The following PIEZO2 variants were observed in gnomAD, a reference collection of about 807,000 sequenced individuals.
PIEZO2 encodes piezo type mechanosensitive ion channel component 2.
In PIEZO2, 172 loss-of-function variants were observed where a neutral mutation model predicts 337.3. The observed-to-expected ratio is 0.51, with a 90% CI of 0.45 to 0.58. The LOEUF (loss-of-function observed/expected upper bound fraction) is 0.58. PIEZO2 is among the 20% of genes least tolerant of loss of function. The pLI is 0.00. For synonymous variants in PIEZO2, 1,251 were observed against 1,228.5 expected, an observed-to-expected ratio of 1.02 and a Z score of -0.38; for missense variants, 3,028 against 3,391.3, an observed-to-expected ratio of 0.89 and a Z score of 2.66.
rs2034593189 is a variant in PIEZO2, at chr18:10,979,729, C to T, written c.161-69G>A. On this transcript the variant is annotated intron_variant, in intron 2 of 55. Coordinates refer to ENST00000674853, the MANE Select transcript of PIEZO2 (RefSeq NM_001378183.1). This position sits in a 1 kb window ranked among gnomAD's most constrained non-coding sequence, Gnocchi z 4.0. ...AAACACACTGGTGCTGTCTCTTGTACATATTTCTGTATAACCTATTAGATA... is the reference window on the plus strand; with the variant it reads ...AAACACACTGGTGCTGTCTCTTGTATATATTTCTGTATAACCTATTAGATA... 1 of 1,387,302 alleles carries T rather than the reference C, an allele frequency of 7.2e-7. No individual in the cohort carries two copies. The highest frequency in any genetic ancestry group is 9.5e-7 in the Non-Finnish European group (1 of 1,052,104). 85.9% of individuals were successfully genotyped at this position (1,387,302 alleles called of 1,614,324 possible). A position where few individuals can be genotyped will look rare whatever the true frequency, so the allele number is the denominator to read the frequency against.
chr18:10,685,180 A>G (rs2034496459), intron 49 of PIEZO2, among the ~76,000 whole-genome samples: 1 of 152,210 alleles, frequency 6.6e-6, no homozygotes, highest in Non-Finnish European at 1.5e-5. Flanking sequence ...GTCACATTCA[A>G]TGTGGAATCA....
chr18:11,039,096 C>G (rs753039613), intron 2 of PIEZO2, among the ~76,000 whole-genome samples: 1 of 152,128 alleles, frequency 6.6e-6, no homozygotes, highest in Non-Finnish European at 1.5e-5. Flanking sequence ...CAAAAGGGAA[C>G]AGAAAGGAAG....
rs1451471330 is a variant in PIEZO2 at position 10,670,820 on chromosome 18, C to T, written c.*707G>A. 1 of 152,184 alleles carries T rather than the reference C, an allele frequency of 6.6e-6. No homozygotes were observed. Among genetic ancestry groups the T allele is most frequent in the African/African-American group, 2.4e-5 (1 of 41,296 alleles). The allele number at this position is 152,184 out of a possible 1,614,324, so 9.4% of individuals were successfully genotyped here. ...GAAGCTGGTCACTGGTGGACCATAA[C>T]AAAGCAGGTGTACACATCATTTGTT... On this transcript the variant is annotated 3_prime_UTR_variant, in exon 56 of 56. Transcript: ENST00000674853.
At chr18:10,814,006 G>C (rs550227919) in intron 7 of PIEZO2, among the ~76,000 whole-genome samples, 73 of 150,140 alleles carry the variant, frequency 4.9e-4, no homozygotes, top group East Asian at 4.7e-3. Flanking sequence ...TTTGCTCTGT[G>C]GCCCAGGCTG....
Position 10,846,632 on chromosome 18 carries a change from G to A in PIEZO2, c.917+8721C>T, listed in dbSNP as rs553691536. 3.9e-5 allele frequency among the ~76,000 whole-genome samples: 6 copies of A among 152,144 alleles called. No individual in the cohort carries two copies. Among genetic ancestry groups the A allele is most frequent in the Non-Finnish European group, 7.3e-5 (5 of 68,036 alleles). Reference sequence around the variant, plus strand: ...GTCCTAGTGAGTCAGACATATGCATGAAGGGATTATTATGGCCCAATGCAG... The same window carrying A: ...GTCCTAGTGAGTCAGACATATGCATAAAGGGATTATTATGGCCCAATGCAG... On this transcript the variant is annotated intron_variant, in intron 7 of 55. Transcript: ENST00000674853. This position sits in a 1 kb window ranked among gnomAD's most constrained non-coding sequence, Gnocchi z 4.1.
Position 10,854,429 on chromosome 18 carries a change from G to T in PIEZO2, c.917+924C>A, listed in dbSNP as rs1374930233. On this transcript the variant is annotated intron_variant, in intron 7 of 55. Coordinates refer to ENST00000674853, the MANE Select transcript of PIEZO2 (RefSeq NM_001378183.1). This position sits in a 1 kb window ranked among gnomAD's most constrained non-coding sequence, Gnocchi z 4.6. ...CCTTTATAGTAATTATTTCAGGTGT[G>T]GACATAATAGAACATATCATTAAGG... 2.0e-5 allele frequency among the ~76,000 whole-genome samples: 3 copies of T among 151,886 alleles called. No homozygotes were observed.
chr18:10,958,799 A>G (rs1176338202), intron 3 of PIEZO2, among the ~76,000 whole-genome samples: 1 of 152,224 alleles, frequency 6.6e-6, no homozygotes, highest in Non-Finnish European at 1.5e-5. Flanking sequence ...TGTTAAAACT[A>G]TAAAAATACA....
In PIEZO2 at chr18:10,979,570, A is replaced by G. The variant is rs1308170093; in HGVS notation, c.251T>C (p.Leu84Pro). The change falls in exon 3 of 56, where the codon CTT (leucine) becomes CCT (proline). Residue 84 changes from leucine (L) to proline (P), a missense_variant. By Grantham distance (98) the Leu-to-Pro change is moderately conservative (BLOSUM62 -3). Transcript: ENST00000674853. The surrounding 1 kb of genome is among the most constrained non-coding windows in gnomAD (Gnocchi z 4.0). Reference protein sequence around the residue: ...HIIFHITLVSLEAQHRIAPGY... With the variant: ...HIIFHITLVSPEAQHRIAPGY... ...AGGTGCAATACGATGTTGAGCTTCAAGGCTCACCAACGTGATGTGGAAAAT... is the reference window on the plus strand; with the variant it reads ...AGGTGCAATACGATGTTGAGCTTCAGGGCTCACCAACGTGATGTGGAAAAT... 23 of 1,535,320 alleles carry G rather than the reference A, an allele frequency of 1.5e-5. No individual in the cohort carries two copies. The highest frequency in any genetic ancestry group is 2.0e-5 in the Non-Finnish European group (23 of 1,145,574).
intron 7 of PIEZO2, among the ~76,000 whole-genome samples, chr18:10,814,942 T>A (rs1255846592): frequency 6.6e-6 from 1 of 152,208 alleles, no homozygotes; most frequent in Non-Finnish European, 1.5e-5. Flanking sequence ...GGATTAATTA[T>A]GTTTGAAGAT....
intron 14 of PIEZO2, among the ~76,000 whole-genome samples, chr18:10,790,881 T>A (rs2039388082): frequency 6.6e-6 from 1 of 152,134 alleles, no homozygotes. Flanking sequence ...GTTTTTTGTA[T>A]TTTTAGTAAA....
Position 10,752,570 on chromosome 18 carries a change from C to T in PIEZO2, c.4167+66G>A, listed in dbSNP as rs1598433303. The T allele has an allele frequency of 1.1e-5, 17 of 1,489,008 alleles. No individual in the cohort carries two copies. In the East Asian group the frequency reaches 3.5e-4, roughly 30 times the overall value. The allele number at this position is 1,489,008 out of a possible 1,614,324, so 92.2% of individuals were successfully genotyped here. The stretch of plus-strand genomic sequence containing the variant: ...ATGACAAGCACTGGGCTTTTAATAA[C>T]CACTGAGTGGACTGTTTACTCTTAC... On this transcript the variant is annotated intron_variant, in intron 28 of 55. Coordinates refer to ENST00000674853, the MANE Select transcript of PIEZO2 (RefSeq NM_001378183.1).
intron 36 of PIEZO2, 66 bp downstream of exon 36, chr18:10,731,341 G>T: frequency 1.8e-6 from 2 of 1,089,990 alleles, no homozygotes; most frequent in Non-Finnish European, 2.6e-6. Flanking sequence ...GTCCTTTGCA[G>T]ACAAGGCTGG....
intron 2 of PIEZO2, among the ~76,000 whole-genome samples, chr18:11,059,207 G>A (rs1366268934): frequency 1.4e-5 from 2 of 144,058 alleles, no homozygotes; most frequent in Non-Finnish European, 3.1e-5. Flanking sequence ...AGCAAATGCT[G>A]AGAGATTTCA....
Position 10,823,952 on chromosome 18 carries a change from A to G in PIEZO2, c.918-16678T>C, listed in dbSNP as rs60540391. Among the ~76,000 whole-genome samples the G allele has an allele frequency of 5.5e-3, 833 of 152,314 alleles. 38 individuals carry two copies. The East Asian group carries it at 0.11, about 20-fold the overall frequency. On this transcript the variant is annotated intron_variant, in intron 7 of 55. Transcript: ENST00000674853. Reference sequence around the variant, plus strand: ...TAATTAAAACTTCATGGCATAGCTAAAGCCTTGCCTACAGTTCTTTCACTC... The same window carrying G: ...TAATTAAAACTTCATGGCATAGCTAGAGCCTTGCCTACAGTTCTTTCACTC...
chr18:10,884,914 C>A (rs1270953036), intron 4 of PIEZO2, among the ~76,000 whole-genome samples: 1 of 151,752 alleles, frequency 6.6e-6, no homozygotes, highest in Non-Finnish European at 1.5e-5. Flanking sequence ...GACTTAAAGA[C>A]CACAAACTGG....
intron 3 of PIEZO2, among the ~76,000 whole-genome samples, chr18:10,944,443 C>G (rs2032896652): frequency 6.7e-6 from 1 of 148,746 alleles, no homozygotes; most frequent in South Asian, 2.1e-4. Context: ...CAAATGGACA[C>G]AGATATATAT....
At position 10,801,143 on chromosome 18, in the gene PIEZO2, T is replaced by G. The variant is rs553862895; in HGVS notation, c.1239+247A>C. ...CATGCAAAACTTCCTACTTACGAAT[T>G]AGGCATAGCTACAGAACAAAACACT... On this transcript the variant is annotated intron_variant, in intron 10 of 55. Transcript: ENST00000674853. Among the ~76,000 whole-genome samples, 31 of 152,352 alleles carry G rather than the reference T, an allele frequency of 2.0e-4. 1 individual carries two copies. Among genetic ancestry groups the G allele is most frequent in the African/African-American group, 7.5e-4 (31 of 41,586 alleles).
intron 4 of PIEZO2, among the ~76,000 whole-genome samples, chr18:10,907,211 G>A (rs2030022074): frequency 6.6e-6 from 1 of 152,150 alleles, no homozygotes. Flanking sequence ...GGGAGGCTGA[G>A]GCAGGTGGAT....
intron 1 of PIEZO2, among the ~76,000 whole-genome samples, chr18:11,081,705 G>A (rs1189323285): frequency 6.6e-6 from 1 of 151,480 alleles, no homozygotes; most frequent in Non-Finnish European, 1.5e-5. Context: ...TCTGAACTGA[G>A]ACCAAAAGTT....
Sources: allele counts gnomAD v4.1 joint callset (sites outside exome capture counted in the v4.1 genomes callset), GRCh38; gene constraint gnomAD v4.1.1; non-coding constraint Gnocchi (gnomAD v3.1); transcripts MANE v1.5; gene names NCBI Gene and HGNC (gene_info 2026-07-23, HGNC 2026-07-21).